ADGB: variants seen among roughly 807,000 people sequenced by gnomAD.
ADGB encodes the protein androglobin.
Under a neutral mutation model 210.5 loss-of-function variants are expected in ADGB, and 172 were observed. That is an observed-to-expected ratio of 0.82 (90% CI 0.72 to 0.93). The LOEUF is 0.93. Among genes scored for constraint, ADGB ranks in the 40% least tolerant of loss-of-function variants. The probability of loss-of-function intolerance (pLI) is 0.00; values close to 1 mark genes in which losing one functional copy is unlikely to be tolerated. For missense variants in ADGB, 2,025 were observed against 1,964.8 expected, an observed-to-expected ratio of 1.03 and a Z score of -0.58; for synonymous variants, 658 against 662.7, an observed-to-expected ratio of 0.99 and a Z score of 0.11.
At chr6:146,638,404 C>T (rs1258730535) in intron 2 of ADGB, among the ~76,000 whole-genome samples, 1 of 151,720 alleles carries the variant, frequency 6.6e-6, no homozygotes, top group African/African-American at 2.4e-5. Context: ...CACATATACC[C>T]CATGGAATAC....
At chr6:146,632,104 A>G (rs1053842848) in intron 1 of ADGB, among the ~76,000 whole-genome samples, 30 of 152,218 alleles carry the variant, frequency 2.0e-4, no homozygotes, top group African/African-American at 6.7e-4. Flanking sequence ...AATCACATAC[A>G]TTCATTGACA....
chr6:146,788,020 G>A (rs1777902233), intron 32 of ADGB, among the ~76,000 whole-genome samples: 1 of 152,112 alleles, frequency 6.6e-6, no homozygotes, highest in African/African-American at 2.4e-5. Flanking sequence ...GGATCCCCCT[G>A]CAGAGAGGAA....
At chr6:146,736,093 A>G (rs972113484) in intron 22 of ADGB, among the ~76,000 whole-genome samples, 2 of 152,256 alleles carry the variant, frequency 1.3e-5, no homozygotes, top group African/African-American at 4.8e-5. Flanking sequence ...CCATTTGCAG[A>G]TAATGCAGTA....
At chr6:146,802,879 T>C in intron 35 of ADGB, 1 of 1,610,472 alleles carries the variant, frequency 6.2e-7, no homozygotes, top group African/African-American at 1.3e-5. Context: ...GGTTTTCCTG[T>C]TCCCATAATC....
intron 27 of ADGB, among the ~76,000 whole-genome samples, chr6:146,760,481 A>T (rs1441964065): frequency 6.6e-6 from 1 of 151,876 alleles, no homozygotes; most frequent in East Asian, 1.9e-4. Context: ...TTGTATGGAG[A>T]TACCACACTT....
intron 7 of ADGB, among the ~76,000 whole-genome samples, chr6:146,671,139 A>G (rs766801912): frequency 7.2e-5 from 11 of 152,338 alleles, no homozygotes; most frequent in Non-Finnish European, 1.2e-4. Flanking sequence ...CTTTTATGCC[A>G]TGCTGACACT....
intron 33 of ADGB, among the ~76,000 whole-genome samples, chr6:146,797,995 A>T (rs1286435146): frequency 3.3e-5 from 5 of 152,098 alleles, no homozygotes; most frequent in African/African-American, 1.2e-4. Flanking sequence ...GATAGAAAGT[A>T]ATAAAGTAGG....
rs1448216570 is a variant in ADGB, at chr6:146,782,277, A to G, written c.4035+85A>G. On this transcript the variant is annotated intron_variant, in intron 30 of 35. Coordinates refer to ENST00000397944, the MANE Select transcript of ADGB (RefSeq NM_024694.4). ...ATTTGCCTATCTCGTCTGAGGACAA[A>G]ACCGTGAAACATTCTTTCTCCCTGA... 49 of 1,289,518 alleles carry G rather than the reference A, an allele frequency of 3.8e-5. 1 individual carries two copies. The highest frequency in any genetic ancestry group is 4.6e-5 in the Non-Finnish European group (45 of 968,764). The allele number at this position is 1,289,518 out of a possible 1,614,324, so 79.9% of individuals were successfully genotyped here. A position where few individuals can be genotyped will look rare whatever the true frequency, so the allele number is the denominator to read the frequency against.
chr6:146,764,363 C>A (rs1777544203), intron 28 of ADGB, among the ~76,000 whole-genome samples: 1 of 151,956 alleles, frequency 6.6e-6, no homozygotes. Flanking sequence ...CTGTAATTAT[C>A]TAATTTTATA....
chr6:146,763,827 A>T (rs568660750), intron 27 of ADGB, 74 bp from the exon 28 acceptor site: 1 of 1,266,028 alleles, frequency 7.9e-7, no homozygotes, highest in African/African-American at 1.5e-5. Flanking sequence ...TTATAAAGGA[A>T]TGTAACTGAT....
chr6:146,601,995 A>G (rs1011238225), intron 1 of ADGB, among the ~76,000 whole-genome samples: 1 of 152,218 alleles, frequency 6.6e-6, no homozygotes, highest in Non-Finnish European at 1.5e-5. Context: ...GTTACAACTG[A>G]TTACGGTAGA....
At chr6:146,814,974 T>A in intron 35 of ADGB, 58 bp from the exon 36 acceptor site, 2 of 1,465,568 alleles carry the variant, frequency 1.4e-6, no homozygotes, top group East Asian at 2.6e-5. Context: ...TTTTTCTTTC[T>A]GGGAACATAA....
intron 7 of ADGB, among the ~76,000 whole-genome samples, chr6:146,670,283 A>G (rs1236694940): frequency 1.2e-5 from 1 of 85,544 alleles, no homozygotes; most frequent in Non-Finnish European, 2.5e-5. Flanking sequence ...GAAGTTTTAC[A>G]GTCTTGACCA....
In ADGB at chr6:146,733,968, T is replaced by C. The variant is rs1777042080; in HGVS notation, c.2732T>C (p.Ile911Thr). The C allele has an allele frequency of 6.4e-7, 1 of 1,551,508 alleles. No individual in the cohort carries two copies. Among genetic ancestry groups the C allele is most frequent in the Non-Finnish European group, 8.7e-7 (1 of 1,146,948 alleles). The change falls in exon 22 of 36, where the codon ATT (isoleucine) becomes ACT (threonine). Residue 911 changes from isoleucine (I) to threonine (T), a missense_variant. Coordinates refer to ENST00000397944, the MANE Select transcript of ADGB (RefSeq NM_024694.4). ...EYSAEEVAAA[I>T]KIQAMWRGTY... is the part of the protein sequence containing the mutation. ...TCTGCTGAGGAAGTAGCAGCAGCAA[T>C]TAAAATTCAAGCCATGTGGAGAGGA...
In ADGB at chr6:146,733,101, A is replaced by C; in HGVS notation, c.2521-19A>C. ...GATGATGGTATTTTCTTGCTATAAA[A>C]AAAATTTATGTGTTTCAGGTTTTTC... On this transcript the variant is annotated intron_variant, in intron 20 of 35. Coordinates refer to ENST00000397944, the MANE Select transcript of ADGB (RefSeq NM_024694.4). The C allele has an allele frequency of 2.5e-6, 2 of 787,930 alleles. No homozygotes were observed. Among genetic ancestry groups the C allele is most frequent in the Non-Finnish European group, 3.4e-6 (2 of 587,612 alleles). 48.8% of individuals were successfully genotyped at this position (787,930 alleles called of 1,614,324 possible). A position where few individuals can be genotyped will look rare whatever the true frequency, so the allele number is the denominator to read the frequency against.
intron 1 of ADGB, among the ~76,000 whole-genome samples, chr6:146,625,645 T>G (rs1158282067): frequency 6.6e-6 from 1 of 152,048 alleles, no homozygotes; most frequent in African/African-American, 2.4e-5. Context: ...CCCCTCTTTC[T>G]CACTCCCTCT....
chr6:146,664,456 TA>T, intron 6 of ADGB, 116 bp downstream of exon 6: 4 of 1,081,068 alleles, frequency 3.7e-6, no homozygotes, highest in Non-Finnish European at 5.1e-6. Flanking sequence ...CTTTTTCCCC[TA>T]AACAATGTAA....
chr6:146,717,189 TATTA>T (rs1181997073), intron 15 of ADGB, 120 bp downstream of exon 15: 16 of 798,420 alleles, frequency 2.0e-5, no homozygotes, highest in Non-Finnish European at 3.0e-5. Flanking sequence ...TTATATAACC[TATTA>T]ATTCTTAGCA....
At chr6:146,724,454 G>T in intron 18 of ADGB, 127 bp downstream of exon 18, 1 of 911,474 alleles carries the variant, frequency 1.1e-6, no homozygotes, top group Admixed American at 3.7e-5. Flanking sequence ...CAAGGCATAG[G>T]TCCATGATTA....
Sources: allele counts gnomAD v4.1 joint callset (sites outside exome capture counted in the v4.1 genomes callset), GRCh38; gene constraint gnomAD v4.1.1; transcripts MANE v1.5; gene names NCBI Gene and HGNC (gene_info 2026-07-23, HGNC 2026-07-21).